The following PDXDC1 variants were observed in gnomAD, a reference collection of about 807,000 sequenced individuals.
PDXDC1 encodes pyridoxal dependent decarboxylase domain containing 1.
A neutral mutation model predicts 100.1 loss-of-function variants in PDXDC1; 42 were observed. The observed-to-expected ratio is 0.42, with a 90% CI of 0.33 to 0.54. The LOEUF is 0.54. Among genes scored for constraint, PDXDC1 ranks in the 20% least tolerant of loss-of-function variants. PDXDC1 has a pLI of 0.10. For synonymous variants in PDXDC1, 260 were observed against 371.7 expected (o/e 0.70, Z 3.46); for missense variants, 636 against 979.2 (o/e 0.65, Z 4.68).
At chr16:15,125,525 C>T (rs1464747455) in intron 16 of PDXDC1, 29 of 1,551,978 alleles carry the variant, frequency 1.9e-5, no homozygotes, top group Middle Eastern at 2.3e-4. Flanking sequence ...TGCACCAGGG[C>T]TCGAGGTTTC....
downstream of PDXDC1, chr16:15,038,662 GTC>G: frequency 6.3e-7 from 1 of 1,593,628 alleles, no homozygotes; most frequent in Non-Finnish European, 8.6e-7. Context: ...AAGTTGTTCT[GTC>G]TCTGCATCAT....
intron 16 of PDXDC1, among the ~76,000 whole-genome samples, chr16:15,052,895 T>C (rs528852293): frequency 1.3e-5 from 2 of 152,254 alleles, no homozygotes; most frequent in East Asian, 3.9e-4. Flanking sequence ...TTGTAGACTC[T>C]GTGGAACCGT....
chr16:14,979,302 T>G (rs2151143310), intron 1 of PDXDC1, among the ~76,000 whole-genome samples: 1 of 152,398 alleles, frequency 6.6e-6, no homozygotes, highest in East Asian at 1.9e-4. Context: ...TTCGTGTTTT[T>G]TTTTTGAGAT....
intron 16 of PDXDC1, among the ~76,000 whole-genome samples, chr16:15,085,355 C>T (rs946934280): frequency 2.6e-5 from 4 of 151,894 alleles, no homozygotes; most frequent in Non-Finnish European, 5.9e-5. Flanking sequence ...CAGTGTCTTG[C>T]CACCAAGCAG....
Position 15,130,884 on chromosome 16 carries a change from G to C in PDXDC1, c.1400-7995G>C, listed in dbSNP as rs576604095. Reference sequence around the variant, plus strand: ...CCCTCCTGAGCCCACCCTCTGCCACGGGCCTGAAAGGCCATAGGAGCCTCT... The same window carrying C: ...CCCTCCTGAGCCCACCCTCTGCCACCGGCCTGAAAGGCCATAGGAGCCTCT... On this transcript the variant is annotated intron_variant, in intron 16 of 16. Transcript: ENST00000535621. 2.1e-4 allele frequency: 152 copies of C among 720,590 alleles called. 2 individuals carry two copies. Among genetic ancestry groups the C allele is most frequent in the South Asian group, 1.9e-3 (123 of 65,052 alleles). The allele number at this position is 720,590 out of a possible 1,614,324, so 44.6% of individuals were successfully genotyped here. A position where few individuals can be genotyped will look rare whatever the true frequency, so the allele number is the denominator to read the frequency against.
chr16:15,027,946 C>T (rs1361789256), intron 14 of PDXDC1, among the ~76,000 whole-genome samples: 5 of 152,274 alleles, frequency 3.3e-5, no homozygotes, highest in African/African-American at 7.2e-5. Context: ...CCTTTCTCTC[C>T]CCAGCACTTC....
At chr16:15,068,795 C>G (rs933715275) in intron 16 of PDXDC1, among the ~76,000 whole-genome samples, 2 of 152,128 alleles carry the variant, frequency 1.3e-5, no homozygotes, top group African/African-American at 4.8e-5. Context: ...TAGACAGAAA[C>G]CACTTTCTTA....
chr16:15,043,033 T>C (rs1439819013), downstream of PDXDC1, among the ~76,000 whole-genome samples: 1 of 151,988 alleles, frequency 6.6e-6, no homozygotes, highest in Non-Finnish European at 1.5e-5. Context: ...CCCAAGTAGC[T>C]GGGATTACAG....
chr16:15,001,535 G>T (rs1178536953), intron 3 of PDXDC1, among the ~76,000 whole-genome samples: 2 of 152,288 alleles, frequency 1.3e-5, no homozygotes, highest in African/African-American at 4.8e-5. Flanking sequence ...TTATTAAAAT[G>T]AAACTCATAA....
intron 4 of PDXDC1, among the ~76,000 whole-genome samples, chr16:15,003,589 T>C (rs1973650063): frequency 6.6e-6 from 1 of 152,302 alleles, no homozygotes; most frequent in Non-Finnish European, 1.5e-5. Context: ...TTAAGGCTGG[T>C]ATTTAATTTT....
At chr16:15,143,221 G>T (rs1450711771), downstream of PDXDC1, among the ~76,000 whole-genome samples, 1 of 152,118 alleles carries the variant, frequency 6.6e-6, no homozygotes, top group Admixed American at 6.5e-5. Flanking sequence ...CGGCTGCTGG[G>T]GCACCACTGG....
At chr16:15,038,363 T>C (rs1343497022), downstream of PDXDC1, 21 of 540,502 alleles carry the variant, frequency 3.9e-5, no homozygotes, top group South Asian at 2.5e-4. Context: ...AAAAAGTTGA[T>C]TGCTTACTGC....
downstream of PDXDC1, among the ~76,000 whole-genome samples, chr16:15,042,739 TATTTATTTATTG>T: frequency 6.9e-6 from 1 of 145,084 alleles, no homozygotes; most frequent in African/African-American, 2.7e-5. Context: ...TTTATTTATT[TATTTATTTATTG>T]AGACGAAGTC....
intron 12 of PDXDC1, among the ~76,000 whole-genome samples, chr16:15,019,989 G>A (rs1310640131): frequency 6.6e-6 from 1 of 152,196 alleles, no homozygotes; most frequent in Non-Finnish European, 1.5e-5. Flanking sequence ...GCGGGCGCCT[G>A]TAGTCCCAGC....
intron 16 of PDXDC1, among the ~76,000 whole-genome samples, chr16:15,043,415 G>A (rs908253780): frequency 1.3e-5 from 2 of 152,246 alleles, no homozygotes; most frequent in African/African-American, 2.4e-5. Context: ...ATGGTGGCAT[G>A]CACCTAGTCA....
At chr16:15,147,976 C>T in the PDXDC1 span, among the ~76,000 whole-genome samples, 204 of 152,064 alleles carry the variant, frequency 1.3e-3, no homozygotes, top group Non-Finnish European at 2.4e-3. Flanking sequence ...TGAACCACCG[C>T]GCCCACCCTG....
intron 13 of PDXDC1, among the ~76,000 whole-genome samples, chr16:15,023,449 TG>T (rs2042351449): frequency 6.6e-6 from 1 of 152,414 alleles, no homozygotes; most frequent in Admixed American, 6.5e-5. Flanking sequence ...TGAGTGTATT[TG>T]GGGTTCAAGT....
At chr16:15,052,820 G>C (rs1017151686) in intron 16 of PDXDC1, among the ~76,000 whole-genome samples, 2 of 151,746 alleles carry the variant, frequency 1.3e-5, no homozygotes, top group Admixed American at 1.3e-4. Context: ...GCAAGGCTCT[G>C]TCTCTCAAAA....
Position 15,016,224 on chromosome 16 carries a change from G to C in PDXDC1, c.812+11G>C, listed in dbSNP as rs779592654. The stretch of plus-strand genomic sequence containing the variant: ...GCTTCATGTGGAGGGGTAAGCCGGC[G>C]GTGAGGCTGGTGGCTCCATTCGGGC... On this transcript the variant is annotated intron_variant, in intron 9 of 22. Transcript: ENST00000396410. 6.2e-7 allele frequency: 1 copy of C among 1,611,194 alleles called. No individual in the cohort carries two copies. Among genetic ancestry groups the C allele is most frequent in the South Asian group, 1.1e-5 (1 of 90,532 alleles).
Sources: allele counts gnomAD v4.1 joint callset (sites outside exome capture counted in the v4.1 genomes callset), GRCh38; gene constraint gnomAD v4.1.1; transcripts MANE v1.5; gene names NCBI Gene and HGNC (gene_info 2026-07-23, HGNC 2026-07-21).